The following CSMD2 variants were observed in gnomAD, a reference collection of about 807,000 sequenced individuals.
CSMD2 encodes the protein CUB and sushi domain-containing protein 2.
A neutral mutation model predicts 398.5 loss-of-function variants in CSMD2; 130 were observed. The observed-to-expected ratio is 0.33, with a 90% CI of 0.28 to 0.38. The LOEUF (loss-of-function observed/expected upper bound fraction) is 0.38. Ranked by LOEUF, CSMD2 falls within the 10% of genes least tolerant of loss-of-function variation. CSMD2 has a pLI of 1.00. For missense variants in CSMD2, 3,829 were observed against 4,764.9 expected (o/e 0.80, Z 5.78); for synonymous variants, 1,828 against 1,908.5 (o/e 0.96, Z 1.10).
intron 16 of CSMD2, among the ~76,000 whole-genome samples, chr1:33,726,104 C>G (rs1646520063): frequency 6.6e-6 from 1 of 152,202 alleles, no homozygotes; most frequent in Non-Finnish European, 1.5e-5. Context: ...GCTACGTTCT[C>G]CACCCAAGGG....
chr1:33,643,426 A>G (rs1431509851), intron 29 of CSMD2, among the ~76,000 whole-genome samples: 2 of 152,226 alleles, frequency 1.3e-5, no homozygotes, highest in Non-Finnish European at 2.9e-5. Context: ...TTCCAAACAA[A>G]GGCACAACAA....
chr1:33,550,874 C>G (rs1256499002), intron 55 of CSMD2, among the ~76,000 whole-genome samples: 4 of 152,206 alleles, frequency 2.6e-5, no homozygotes, highest in African/African-American at 9.6e-5. Context: ...GCTGTGAAAA[C>G]AAGTGAGAAG....
chr1:33,913,338 A>C (rs1643559118), intron 5 of CSMD2, among the ~76,000 whole-genome samples: 2 of 152,156 alleles, frequency 1.3e-5, no homozygotes. Context: ...GAGGCTAGAT[A>C]GAGTCAGGGC....
chr1:33,793,894 A>AT (rs1183297352), intron 10 of CSMD2, among the ~76,000 whole-genome samples: 1 of 152,116 alleles, frequency 6.6e-6, no homozygotes, highest in Admixed American at 6.5e-5. Flanking sequence ...GGTGCCATTC[A>AT]TAAGGACAGG....
chr1:33,932,841 G>A (rs1644356232), intron 4 of CSMD2, among the ~76,000 whole-genome samples: 1 of 152,324 alleles, frequency 6.6e-6, no homozygotes. Context: ...ACTGCAAGGA[G>A]ATGACAAAAC....
chr1:34,026,083 A>C (rs1054660412), intron 3 of CSMD2, among the ~76,000 whole-genome samples: 1 of 152,226 alleles, frequency 6.6e-6, no homozygotes, highest in Non-Finnish European at 1.5e-5. Context: ...TCCCATACTG[A>C]GCACATCTTG....
rs151068066 is a variant in CSMD2, at chr1:34,129,608, C to T, written c.187+35303G>A. Among the ~76,000 whole-genome samples, 1,331 of 152,240 alleles carry T rather than the reference C, an allele frequency of 8.7e-3. 20 individuals carry two copies. Among genetic ancestry groups the T allele is most frequent in the African/African-American group, 0.03 (1,255 of 41,526 alleles). ...CGGAGCTTGCAGTGAGCCGAGATTG[C>T]GCCACTGTACTCCAGCCTAGGCGAT... On this transcript the variant is annotated intron_variant, in intron 1 of 70. Coordinates refer to ENST00000373381, the MANE Select transcript of CSMD2 (RefSeq NM_001281956.2).
chr1:34,036,594 T>C (rs1011156346), intron 2 of CSMD2, among the ~76,000 whole-genome samples: 1 of 152,172 alleles, frequency 6.6e-6, no homozygotes, highest in African/African-American at 2.4e-5. Context: ...TTCTGTGTCT[T>C]GATTGCAGTG....
At chr1:34,020,628 G>GGA (rs3045910) in intron 3 of CSMD2, among the ~76,000 whole-genome samples, 16,935 of 152,036 alleles carry the variant, frequency 0.11, 1,479 homozygotes, top group East Asian at 0.38. Context: ...GGAACACGGT[G>GGA]GAGAGTGTGG....
At chr1:33,598,654 G>A (rs774053176) in intron 44 of CSMD2, 1 of 147,668 alleles carries the variant, frequency 6.8e-6, no homozygotes, top group Non-Finnish European at 1.5e-5. Context: ...AGCAGCAAAT[G>A]AGTTTCCTGT....
Position 34,081,471 on chromosome 1 carries a change from C to T in CSMD2, c.404+7506G>A, listed in dbSNP as rs917135750. On this transcript the variant is annotated intron_variant, in intron 2 of 70. Transcript: ENST00000373381. ...GCTTTCCATGGTCTCTCTCTGTTGCCGAGGCTGGATTGTACTGCCGTGATC... is the reference window on the plus strand; with the variant it reads ...GCTTTCCATGGTCTCTCTCTGTTGCTGAGGCTGGATTGTACTGCCGTGATC... Among the ~76,000 whole-genome samples, 38 of 151,854 alleles carry T rather than the reference C, an allele frequency of 2.5e-4. 1 individual carries two copies. Among genetic ancestry groups the T allele is most frequent in the East Asian group, 7.8e-4 (4 of 5,156 alleles).
chr1:33,829,274 G>A (rs769136374), intron 6 of CSMD2, among the ~76,000 whole-genome samples: 1 of 152,162 alleles, frequency 6.6e-6, no homozygotes, highest in Non-Finnish European at 1.5e-5. Flanking sequence ...GCTGATTGAT[G>A]GGTCATGTAA....
intron 6 of CSMD2, among the ~76,000 whole-genome samples, chr1:33,834,016 G>C (rs1050454150): frequency 1.7e-4 from 25 of 147,660 alleles, no homozygotes; most frequent in African/African-American, 6.1e-4. Context: ...CAACCAAATG[G>C]AAGAACATTC....
intron 5 of CSMD2, among the ~76,000 whole-genome samples, chr1:33,867,796 C>T (rs1640148138): frequency 6.6e-6 from 1 of 152,160 alleles, no homozygotes; most frequent in Non-Finnish European, 1.5e-5. Context: ...TGTTTCCAGC[C>T]TGAAATGTGG....
intron 53 of CSMD2, among the ~76,000 whole-genome samples, chr1:33,563,843 T>C (rs1658803181): frequency 6.6e-6 from 1 of 152,292 alleles, no homozygotes; most frequent in South Asian, 2.1e-4. Flanking sequence ...AGAGGACAGC[T>C]GGAAAATTTT....
chr1:33,907,034 A>T (rs1371402039), intron 5 of CSMD2, among the ~76,000 whole-genome samples: 1 of 152,102 alleles, frequency 6.6e-6, no homozygotes, highest in Non-Finnish European at 1.5e-5. Flanking sequence ...GTGAGACCTG[A>T]AAAACGCCTT....
At chr1:33,766,363 T>C (rs1181331296) in intron 13 of CSMD2, among the ~76,000 whole-genome samples, 1 of 152,128 alleles carries the variant, frequency 6.6e-6, no homozygotes, top group Non-Finnish European at 1.5e-5. Context: ...ATGTCAAGTC[T>C]ATGCCCCATG....
chr1:33,967,624 T>G (rs1311274065), intron 3 of CSMD2, among the ~76,000 whole-genome samples: 1 of 152,102 alleles, frequency 6.6e-6, no homozygotes, highest in Admixed American at 6.5e-5. Flanking sequence ...AACAATACAT[T>G]AACTCTTTGT....
chr1:33,944,856 T>G (rs1437659964), intron 3 of CSMD2, among the ~76,000 whole-genome samples: 1 of 152,084 alleles, frequency 6.6e-6, no homozygotes, highest in Admixed American at 6.5e-5. Context: ...TTTACCATGT[T>G]GTAATCTTGA....
Sources: gnomAD v4.1 joint callset for allele counts (sites outside exome capture counted in the v4.1 genomes callset) on GRCh38, gnomAD v4.1.1 for gene constraint, MANE v1.5 for transcripts, NCBI Gene and HGNC (gene_info 2026-07-23, HGNC 2026-07-21) for gene names.